DOCK4: variants seen among roughly 807,000 people sequenced by gnomAD.
DOCK4 encodes the protein dedicator of cytokinesis protein 4.
DOCK4 carries 97 observed loss-of-function variants against 268.1 expected under a neutral mutation model. The observed-to-expected ratio is 0.36, with a 90% confidence interval of 0.31 to 0.43. The LOEUF is 0.43. Ranked by LOEUF, DOCK4 falls within the 20% of genes least tolerant of loss-of-function variation. DOCK4 has a pLI of 1.00. For synonymous variants in DOCK4, 954 were observed against 887.2 expected (o/e 1.08, Z -1.34); for missense variants, 2,145 against 2,455.7 (o/e 0.87, Z 2.67).
At chr7:112,063,803 A>G (rs1161454866) in intron 1 of DOCK4, among the ~76,000 whole-genome samples, 5 of 152,240 alleles carry the variant, frequency 3.3e-5, no homozygotes, top group African/African-American at 1.2e-4. Context: ...TATGTTTTAC[A>G]GTGTTGTCAG....
rs549006133 is a variant in DOCK4, at chr7:112,156,555, A to C, written c.37+49547T>G. On this transcript the variant is annotated intron_variant, in intron 1 of 52. Coordinates refer to ENST00000428084, the MANE Select transcript of DOCK4 (RefSeq NM_001363540.2). Reference sequence around the variant, plus strand: ...CTATAATAGAGACAAACCCACATAAAATTGTTTAAATGCTACTTTCTATGA... The same window carrying C: ...CTATAATAGAGACAAACCCACATAACATTGTTTAAATGCTACTTTCTATGA... Among the ~76,000 whole-genome samples the C allele has an allele frequency of 3.8e-4, 58 of 152,316 alleles. 1 individual carries two copies. The Middle Eastern group carries it at 0.014, about 36-fold the overall frequency.
chr7:111,852,544 T>C (rs1261510700), intron 23 of DOCK4, among the ~76,000 whole-genome samples: 1 of 149,916 alleles, frequency 6.7e-6, no homozygotes, highest in African/African-American at 2.5e-5. Context: ...GTGCCAGTAG[T>C]CATTGCCTAG....
chr7:112,020,338 C>G (rs1802206925), intron 1 of DOCK4, among the ~76,000 whole-genome samples: 1 of 152,096 alleles, frequency 6.6e-6, no homozygotes, highest in Non-Finnish European at 1.5e-5. Flanking sequence ...CAATCCTGAA[C>G]CCCCCAGGTA....
intron 12 of DOCK4, 133 bp downstream of exon 12, chr7:111,935,407 T>A (rs567223809): frequency 1.3e-6 from 1 of 757,352 alleles, no homozygotes; most frequent in Non-Finnish European, 2.4e-6. Flanking sequence ...AGAATGTTCA[T>A]TGAGCATTTT....
chr7:112,201,455 G>A (rs1020165202), intron 1 of DOCK4, among the ~76,000 whole-genome samples: 1 of 152,126 alleles, frequency 6.6e-6, no homozygotes, highest in Non-Finnish European at 1.5e-5. Flanking sequence ...TCCAGCCCGT[G>A]TTCTCCTGTC....
At chr7:111,786,957 G>C (rs1377649677) in intron 32 of DOCK4, among the ~76,000 whole-genome samples, 1 of 152,068 alleles carries the variant, frequency 6.6e-6, no homozygotes, top group African/African-American at 2.4e-5. Context: ...AGCATTTCTA[G>C]TAATATCCTA....
intron 1 of DOCK4, among the ~76,000 whole-genome samples, chr7:112,186,394 A>G (rs1819497908): frequency 6.6e-6 from 1 of 152,178 alleles, no homozygotes; most frequent in Admixed American, 6.5e-5. Context: ...GAGTTCCACA[A>G]CTCAATTTCC....
intron 1 of DOCK4, among the ~76,000 whole-genome samples, chr7:112,015,209 T>G (rs999832071): frequency 6.6e-6 from 1 of 152,220 alleles, no homozygotes; most frequent in Admixed American, 6.5e-5. Context: ...ACGCTAGTTA[T>G]AATGCATTAG....
chr7:111,949,702 A>G (rs1317944282), intron 8 of DOCK4, among the ~76,000 whole-genome samples: 1 of 152,206 alleles, frequency 6.6e-6, no homozygotes, highest in Non-Finnish European at 1.5e-5. Flanking sequence ...TCATTTGATG[A>G]CATGCTATTG....
At chr7:111,739,090 A>G in intron 49 of DOCK4, 44 bp downstream of exon 49, 3 of 1,545,192 alleles carry the variant, frequency 1.9e-6, no homozygotes, top group Non-Finnish European at 2.7e-6. Context: ...AAGCAATTCC[A>G]GAATTGTCCT....
At chr7:112,192,183 G>A (rs1267652618) in intron 1 of DOCK4, among the ~76,000 whole-genome samples, 1 of 150,760 alleles carries the variant, frequency 6.6e-6, no homozygotes, top group African/African-American at 2.4e-5. Context: ...TTCTTCCTCT[G>A]CCCAGTCTTA....
At chr7:111,831,432 G>GTAAAAGA in intron 26 of DOCK4, among the ~76,000 whole-genome samples, 1 of 151,712 alleles carries the variant, frequency 6.6e-6, no homozygotes, top group East Asian at 1.9e-4. Flanking sequence ...CTTTTACAGG[G>GTAAAAGA]TTCTGCCTCT....
intron 17 of DOCK4, among the ~76,000 whole-genome samples, chr7:111,875,042 G>C (rs191837753): frequency 2.2e-4 from 33 of 152,326 alleles, no homozygotes; most frequent in Admixed American, 5.2e-4. Context: ...TGTGTGTTTA[G>C]CATGTAAATT....
chr7:111,921,266 T>C (rs17159004), intron 12 of DOCK4, among the ~76,000 whole-genome samples: 19,525 of 152,180 alleles, frequency 0.13, 1,447 homozygotes, highest in Non-Finnish European at 0.17. Context: ...AACATATGAT[T>C]CATGATTAAG....
At chr7:111,908,770 C>T (rs572733009) in intron 13 of DOCK4, among the ~76,000 whole-genome samples, 4 of 152,008 alleles carry the variant, frequency 2.6e-5, no homozygotes, top group African/African-American at 9.6e-5. Context: ...CATTGTTCAA[C>T]TCCCACTTAG....
intron 1 of DOCK4, among the ~76,000 whole-genome samples, chr7:112,174,869 T>TTTTTG (rs1017411647): frequency 3.3e-5 from 5 of 152,052 alleles, no homozygotes; most frequent in South Asian, 2.1e-4. Flanking sequence ...TTGGTTTGTT[T>TTTTTG]TTTTGTTTTG....
intron 1 of DOCK4, among the ~76,000 whole-genome samples, chr7:112,150,047 C>A (rs1815910172): frequency 6.6e-6 from 1 of 152,150 alleles, no homozygotes; most frequent in Non-Finnish European, 1.5e-5. Context: ...TTATTATTGT[C>A]CACCATTTTA....
intron 16 of DOCK4, among the ~76,000 whole-genome samples, chr7:111,883,936 G>C (rs10261279): frequency 6.6e-6 from 1 of 152,046 alleles, no homozygotes; most frequent in Non-Finnish European, 1.5e-5. Flanking sequence ...AAGAACACTG[G>C]GGTGTGTGTA....
chr7:112,008,206 C>T (rs1394633073), intron 1 of DOCK4, among the ~76,000 whole-genome samples: 1 of 152,148 alleles, frequency 6.6e-6, no homozygotes, highest in Non-Finnish European at 1.5e-5. Context: ...CAATTTTAAA[C>T]TGCGTATAAA....
Sources: allele counts gnomAD v4.1 joint callset (sites outside exome capture counted in the v4.1 genomes callset), GRCh38; gene constraint gnomAD v4.1.1; transcripts MANE v1.5; gene names NCBI Gene and HGNC (gene_info 2026-07-23, HGNC 2026-07-21).